The following DNAJC1 variants were observed in gnomAD, a reference collection of about 807,000 sequenced individuals.
DNAJC1 encodes the protein DnaJ heat shock protein family (Hsp40) member C1.
DNAJC1 carries 58 observed loss-of-function variants against 76.6 expected under a neutral mutation model. The observed-to-expected ratio is 0.76, with a 90% CI of 0.61 to 0.94. The LOEUF is 0.94. DNAJC1 is among the 40% of genes least tolerant of loss of function. The probability of loss-of-function intolerance (pLI) is 0.00; values close to 1 mark genes in which losing one functional copy is unlikely to be tolerated. For missense variants in DNAJC1, 689 were observed against 677.3 expected, an observed-to-expected ratio of 1.02 and a Z score of -0.19; for synonymous variants, 258 against 267.9, an observed-to-expected ratio of 0.96 and a Z score of 0.36.
At chr10:21,956,605 T>C (rs1176715923) in intron 1 of DNAJC1, among the ~76,000 whole-genome samples, 1 of 149,836 alleles carries the variant, frequency 6.7e-6, no homozygotes, top group East Asian at 1.9e-4. Context: ...ATATAAATTA[T>C]ATAAATATAA....
At chr10:21,795,365 G>A (rs1170679221) in intron 9 of DNAJC1, among the ~76,000 whole-genome samples, 4 of 152,120 alleles carry the variant, frequency 2.6e-5, no homozygotes, top group East Asian at 1.9e-4. Context: ...AATACCTTTC[G>A]CCAAGTGAAA....
At chr10:21,784,107 A>G (rs1025979429) in intron 9 of DNAJC1, among the ~76,000 whole-genome samples, 4 of 152,250 alleles carry the variant, frequency 2.6e-5, no homozygotes, top group Non-Finnish European at 5.9e-5. Context: ...CTGTCAGTGA[A>G]CAGGCAACCT....
At chr10:21,763,906 T>C (rs1834268198) in intron 10 of DNAJC1, among the ~76,000 whole-genome samples, 1 of 152,168 alleles carries the variant, frequency 6.6e-6, no homozygotes, top group Non-Finnish European at 1.5e-5. Context: ...GTTGGTGCCC[T>C]ATGTACGTAA....
At chr10:21,926,553 G>A (rs531504929) in intron 3 of DNAJC1, among the ~76,000 whole-genome samples, 8 of 152,242 alleles carry the variant, frequency 5.3e-5, no homozygotes, top group African/African-American at 1.9e-4. Flanking sequence ...AGATAATGCT[G>A]ACTGTGCTCT....
At chr10:21,924,514 G>A (rs531173049) in intron 3 of DNAJC1, among the ~76,000 whole-genome samples, 6 of 152,066 alleles carry the variant, frequency 3.9e-5, no homozygotes, top group Non-Finnish European at 5.9e-5. Context: ...GCGCAATCTA[G>A]TATATAAATG....
intron 8 of DNAJC1, among the ~76,000 whole-genome samples, chr10:21,814,861 G>A (rs1003503470): frequency 2.0e-5 from 3 of 152,268 alleles, no homozygotes; most frequent in East Asian, 1.9e-4. Flanking sequence ...AGAAATGTAC[G>A]TAAATCTATG....
chr10:21,844,960 G>GTGC (rs1014189283), intron 8 of DNAJC1, among the ~76,000 whole-genome samples: 3 of 152,174 alleles, frequency 2.0e-5, no homozygotes, highest in Non-Finnish European at 4.4e-5. Flanking sequence ...TGCACAGGAG[G>GTGC]TGCCACTGCT....
intron 8 of DNAJC1, among the ~76,000 whole-genome samples, chr10:21,831,966 T>C (rs1352723966): frequency 6.6e-6 from 1 of 152,134 alleles, no homozygotes; most frequent in Non-Finnish European, 1.5e-5. Flanking sequence ...CTTAGGTGGA[T>C]ACCATAGTCA....
intron 7 of DNAJC1, among the ~76,000 whole-genome samples, chr10:21,895,929 C>T (rs1836534195): frequency 6.6e-6 from 1 of 152,186 alleles, no homozygotes; most frequent in Admixed American, 6.5e-5. Flanking sequence ...TCAGGTACAG[C>T]TCATGCAGGC....
At chr10:21,899,922 C>G (rs1274555766) in intron 7 of DNAJC1, among the ~76,000 whole-genome samples, 1 of 152,142 alleles carries the variant, frequency 6.6e-6, no homozygotes, top group African/African-American at 2.4e-5. Flanking sequence ...CTTTCCAGGA[C>G]TGGAAGTTGC....
intron 9 of DNAJC1, among the ~76,000 whole-genome samples, chr10:21,783,373 T>C (rs1834559202): frequency 6.6e-6 from 1 of 152,118 alleles, no homozygotes; most frequent in Non-Finnish European, 1.5e-5. Flanking sequence ...CAAGGAGAAC[T>C]ACAAACTACT....
chr10:21,915,797 T>C (rs1220946362), intron 6 of DNAJC1, among the ~76,000 whole-genome samples: 1 of 151,030 alleles, frequency 6.6e-6, no homozygotes, highest in African/African-American at 2.4e-5. Context: ...AAAATAAGAG[T>C]TGTTAAAAAT....
At chr10:21,813,220 C>CTCTCTCTCTA (rs1438462566) in intron 8 of DNAJC1, among the ~76,000 whole-genome samples, 2 of 19,088 alleles carry the variant, frequency 1.0e-4, no homozygotes, top group Admixed American at 7.1e-4. Flanking sequence ...CTCTCTCTCT[C>CTCTCTCTCTA]TATATATATA....
chr10:21,764,010 A>T (rs1042153756), intron 10 of DNAJC1, among the ~76,000 whole-genome samples: 1 of 152,212 alleles, frequency 6.6e-6, no homozygotes, highest in Non-Finnish European at 1.5e-5. Context: ...CTGCCTTAAG[A>T]TAAAAACAAA....
At chr10:21,865,380 T>C (rs1835981319) in intron 8 of DNAJC1, 1 of 152,200 alleles carries the variant, frequency 6.6e-6, no homozygotes, top group East Asian at 1.9e-4. Flanking sequence ...CAATAGAATA[T>C]TACTTAGCAC....
Position 21,982,718 on chromosome 10 carries a change from A to T in DNAJC1, c.222+20495T>A, listed in dbSNP as rs557283573. ...TCTCACCTATTAGGATAGCTATCAT[A>T]AAAAAAAAAAAAAAGTAAAAACTAA... On this transcript the variant is annotated intron_variant, in intron 1 of 11. Transcript: ENST00000376980. Among the ~76,000 whole-genome samples, 338 of 120,742 alleles carry T rather than the reference A, an allele frequency of 2.8e-3. 3 individuals are homozygous for T. The highest frequency in any genetic ancestry group is 0.014 in the African/African-American group (323 of 22,778). The allele number at this position is 120,742 out of a possible 152,430, so 79.2% of individuals were successfully genotyped here. A position where few individuals can be genotyped will look rare whatever the true frequency, so the allele number is the denominator to read the frequency against.
intron 1 of DNAJC1, among the ~76,000 whole-genome samples, chr10:21,960,213 G>T (rs1275671637): frequency 1.3e-5 from 2 of 152,148 alleles, no homozygotes; most frequent in Non-Finnish European, 1.5e-5. Flanking sequence ...CTCCTTAGTG[G>T]TTATCTTAGG....
chr10:21,798,120 G>C lies in DNAJC1; in HGVS notation c.1098+7860C>G, dbSNP rs1293925846. Among the ~76,000 whole-genome samples, 3 of 152,154 alleles carry C rather than the reference G, an allele frequency of 2.0e-5. No homozygotes were observed. In the East Asian group the frequency reaches 5.8e-4, roughly 29 times the overall value. On this transcript the variant is annotated intron_variant, in intron 9 of 11. Transcript: ENST00000376980. ...ATTTCCGCTCACAGTTCTTCTGAAG[G>C]TTACAAGGTTACAAGTATACATTGC...
chr10:21,834,072 G>A (rs1835408266), intron 8 of DNAJC1, among the ~76,000 whole-genome samples: 1 of 152,060 alleles, frequency 6.6e-6, no homozygotes. Context: ...AGACCATCCT[G>A]GGTAACACGG....
Sources: allele counts gnomAD v4.1 joint callset (sites outside exome capture counted in the v4.1 genomes callset), GRCh38; gene constraint gnomAD v4.1.1; transcripts MANE v1.5; gene names NCBI Gene and HGNC (gene_info 2026-07-23, HGNC 2026-07-21).